The following ABI3BP variants were observed in gnomAD, a reference collection of about 807,000 sequenced individuals.
ABI3BP encodes ABI family member 3 binding protein.
A neutral mutation model predicts 268.6 loss-of-function variants in ABI3BP; 216 were observed. The observed-to-expected ratio is 0.80, with a 90% CI of 0.72 to 0.90. The LOEUF is 0.90. ABI3BP is among the 40% of genes least tolerant of loss of function. The pLI is 0.00. For missense variants in ABI3BP, 2,090 were observed against 2,182.4 expected, an observed-to-expected ratio of 0.96 and a Z score of 0.84; for synonymous variants, 730 against 730.0, an observed-to-expected ratio of 1.00 and a Z score of 0.00.
At chr3:100,894,877 T>C (rs2046530419) in intron 4 of ABI3BP, among the ~76,000 whole-genome samples, 1 of 133,530 alleles carries the variant, frequency 7.5e-6, no homozygotes, top group Admixed American at 8.6e-5. Context: ...AGGCGGAGCT[T>C]ACAGTGAGCC....
intron 2 of ABI3BP, among the ~76,000 whole-genome samples, chr3:100,910,093 G>A (rs570158299): frequency 6.6e-6 from 1 of 152,300 alleles, no homozygotes; most frequent in African/African-American, 2.4e-5. Context: ...AAAAGGATGA[G>A]TTCATGTCCT....
At chr3:100,798,933 A>G (rs1335988646) in intron 51 of ABI3BP, among the ~76,000 whole-genome samples, 1 of 152,104 alleles carries the variant, frequency 6.6e-6, no homozygotes, top group African/African-American at 2.4e-5. Context: ...TCTGAGTCTG[A>G]GAGGAAGCCC....
intron 9 of ABI3BP, among the ~76,000 whole-genome samples, chr3:100,871,260 TA>T (rs201518496): frequency 2.0e-5 from 3 of 152,144 alleles, no homozygotes; most frequent in South Asian, 2.1e-4. Context: ...GGTACACATA[TA>T]AAAAAAACTT....
At chr3:100,978,960 T>C (rs2595900) in intron 1 of ABI3BP, among the ~76,000 whole-genome samples, 152,140 of 152,342 alleles carry the variant, frequency 1, 75,970 homozygotes, top group Middle Eastern at 1. Flanking sequence ...GGAGGCAGGA[T>C]TCTGCATACT....
At chr3:100,785,252 C>T (rs991118) in intron 57 of ABI3BP, among the ~76,000 whole-genome samples, 3 of 151,858 alleles carry the variant, frequency 2.0e-5, no homozygotes, top group Non-Finnish European at 4.4e-5. Context: ...CCATTTAACA[C>T]AAAAATGATG....
intron 12 of ABI3BP, chr3:100,863,794 ATAATAT>A (rs1392888748): frequency 1.5e-5 from 8 of 529,928 alleles, no homozygotes; most frequent in Non-Finnish European, 2.7e-5. Flanking sequence ...AGAATCAAAC[ATAATAT>A]TAAAATATGA....
intron 57 of ABI3BP, among the ~76,000 whole-genome samples, chr3:100,783,221 C>T (rs566119901): frequency 1.2e-4 from 19 of 152,236 alleles, no homozygotes; most frequent in East Asian, 3.9e-4. Context: ...TAAAAAGCCA[C>T]GGGCAGGGAG....
intron 1 of ABI3BP, among the ~76,000 whole-genome samples, chr3:100,978,940 G>C (rs949579025): frequency 6.6e-6 from 1 of 152,184 alleles, no homozygotes; most frequent in Non-Finnish European, 1.5e-5. Context: ...TGAAAGTGGG[G>C]GAGGTTAGGG....
intron 1 of ABI3BP, among the ~76,000 whole-genome samples, chr3:100,966,575 G>A (rs1169620593): frequency 1.3e-5 from 2 of 152,162 alleles, no homozygotes; most frequent in African/African-American, 4.8e-5. Context: ...TTCTCCATCG[G>A]CACAAGGGTG....
intron 24 of ABI3BP, among the ~76,000 whole-genome samples, chr3:100,839,316 T>C (rs929136624): frequency 2.6e-5 from 4 of 152,214 alleles, no homozygotes; most frequent in South Asian, 2.1e-4. Context: ...ACGACACATA[T>C]AGGGCAGACA....
At chr3:100,846,661 A>C (rs41273549) in intron 19 of ABI3BP, 6 of 392,078 alleles carry the variant, frequency 1.5e-5, no homozygotes, top group Non-Finnish European at 2.3e-5. Context: ...ACATTTCAAG[A>C]GTATATTTAA....
intron 20 of ABI3BP, among the ~76,000 whole-genome samples, chr3:100,842,876 T>TTAAG (rs1335149736): frequency 1.3e-5 from 2 of 152,164 alleles, no homozygotes; most frequent in Non-Finnish European, 2.9e-5. Flanking sequence ...AAAGAAAAAG[T>TTAAG]TAAGATTCTT....
intron 59 of ABI3BP, among the ~76,000 whole-genome samples, chr3:100,776,629 A>G (rs1364890250): frequency 6.6e-6 from 1 of 152,198 alleles, no homozygotes; most frequent in African/African-American, 2.4e-5. Flanking sequence ...TAATCAGGCC[A>G]AATCTGTACC....
chr3:100,797,790 T>C (rs72930693), intron 51 of ABI3BP, among the ~76,000 whole-genome samples: 195 of 152,154 alleles, frequency 1.3e-3, no homozygotes, highest in African/African-American at 4.6e-3. Context: ...AGCTAAAAGG[T>C]AACATCCAAG....
chr3:100,925,009 T>C (rs1162439856), intron 2 of ABI3BP, among the ~76,000 whole-genome samples: 1 of 152,194 alleles, frequency 6.6e-6, no homozygotes. Flanking sequence ...GACTTCTTTA[T>C]GGTTTTTGTG....
chr3:100,826,048 C>T (rs1038005464), intron 34 of ABI3BP, among the ~76,000 whole-genome samples: 1 of 152,084 alleles, frequency 6.6e-6, no homozygotes, highest in Admixed American at 6.6e-5. Context: ...CATAGTGAGA[C>T]CTTTAAAGAG....
chr3:100,754,582 CT>C (rs2095519060), intron 64 of ABI3BP, 29 bp downstream of exon 64: 1 of 1,552,246 alleles, frequency 6.4e-7, no homozygotes, highest in Non-Finnish European at 8.7e-7. Flanking sequence ...CTTTTACATC[CT>C]TTTTGGGAAT....
At chr3:100,894,479 G>A (rs879649398) in intron 4 of ABI3BP, among the ~76,000 whole-genome samples, 5 of 152,192 alleles carry the variant, frequency 3.3e-5, no homozygotes, top group Admixed American at 1.3e-4. Flanking sequence ...TCTTCACCGA[G>A]CTTAAAACTT....
intron 51 of ABI3BP, among the ~76,000 whole-genome samples, chr3:100,801,175 A>G (rs1216032490): frequency 6.6e-6 from 1 of 152,086 alleles, no homozygotes; most frequent in Admixed American, 6.5e-5. Flanking sequence ...ATTCCCATGA[A>G]CCAGCATTGT....
Sources: allele counts gnomAD v4.1 joint callset (sites outside exome capture counted in the v4.1 genomes callset), GRCh38; gene constraint gnomAD v4.1.1; transcripts MANE v1.5; gene names NCBI Gene and HGNC (gene_info 2026-07-23, HGNC 2026-07-21).